ERBIN: variants seen among roughly 807,000 people sequenced by gnomAD.
The protein encoded by ERBIN is densin-180-like protein.
ERBIN carries 60 observed loss-of-function variants against 158.4 expected under a neutral mutation model. The ratio of observed to expected loss-of-function variants is 0.38; its 90% CI spans 0.31 to 0.47. The LOEUF is 0.47. ERBIN is among the 20% of genes least tolerant of loss of function. The pLI is 0.99. For missense variants in ERBIN, 1,610 were observed against 1,648.0 expected, an observed-to-expected ratio of 0.98 and a Z score of 0.40; for synonymous variants, 594 against 557.2, an observed-to-expected ratio of 1.07 and a Z score of -0.93.
chr5:66,029,776 T>C (rs1379179719), intron 14 of ERBIN, among the ~76,000 whole-genome samples: 1 of 152,100 alleles, frequency 6.6e-6, no homozygotes, highest in East Asian at 1.9e-4. Context: ...AGCTAATTTT[T>C]TTATTTTTAG....
intron 3 of ERBIN, among the ~76,000 whole-genome samples, chr5:65,994,442 A>G (rs1346178747): frequency 2.6e-5 from 4 of 152,202 alleles, no homozygotes; most frequent in Non-Finnish European, 5.9e-5. Flanking sequence ...TTGAAAGACA[A>G]GCTCCAGAGT....
chr5:65,939,544 TCTCCCC>T (rs1309772580), intron 1 of ERBIN, among the ~76,000 whole-genome samples: 2 of 151,130 alleles, frequency 1.3e-5, no homozygotes, highest in Non-Finnish European at 3.0e-5. Context: ...CCCCTCTCCC[TCTCCCC>T]ACGGTCTCCC....
chr5:65,982,417 C>T (rs1231322717), intron 1 of ERBIN, among the ~76,000 whole-genome samples: 9 of 152,074 alleles, frequency 5.9e-5, no homozygotes, highest in African/African-American at 1.7e-4. Flanking sequence ...CTCAGAGGAC[C>T]GAGAACATGC....
chr5:66,082,503 C>G lies in ERBIN; in HGVS notation c.*3973C>G, dbSNP rs1434193581. On this transcript the variant is annotated 3_prime_UTR_variant, in exon 26 of 26. Transcript: ENST00000284037. The stretch of plus-strand genomic sequence containing the variant: ...AAGAAACCTAAGCTGTAAAATTATG[C>G]TTTTCCCCTCAAGGGATTCAATAAA... The G allele has an allele frequency of 6.6e-6, 1 of 152,174 alleles. No homozygotes were observed. Among genetic ancestry groups the G allele is most frequent in the African/African-American group, 2.4e-5 (1 of 41,452 alleles). 9.4% of individuals were successfully genotyped at this position (152,174 alleles called of 1,614,324 possible). A position where few individuals can be genotyped will look rare whatever the true frequency, so the allele number is the denominator to read the frequency against.
At chr5:65,943,276 T>C (rs888388097) in intron 1 of ERBIN, among the ~76,000 whole-genome samples, 6 of 152,236 alleles carry the variant, frequency 3.9e-5, no homozygotes, top group Admixed American at 1.3e-4. Context: ...TTGGGAATAC[T>C]CTCTAATCAG....
At chr5:66,013,102 A>G (rs1159226972) in intron 5 of ERBIN, among the ~76,000 whole-genome samples, 1 of 152,184 alleles carries the variant, frequency 6.6e-6, no homozygotes, top group Non-Finnish European at 1.5e-5. Context: ...TGTTGTAGCT[A>G]AACATCCTAT....
At chr5:65,977,540 C>G (rs1003357058) in intron 1 of ERBIN, among the ~76,000 whole-genome samples, 4 of 150,148 alleles carry the variant, frequency 2.7e-5, no homozygotes, top group African/African-American at 4.9e-5. Flanking sequence ...CAGAGGTGCT[C>G]CCCACATCTC....
intron 1 of ERBIN, among the ~76,000 whole-genome samples, chr5:65,938,780 T>C (rs931780176): frequency 6.6e-6 from 1 of 152,066 alleles, no homozygotes; most frequent in Non-Finnish European, 1.5e-5. Flanking sequence ...CTCGAACTCC[T>C]GACCTTATGA....
intron 4 of ERBIN, among the ~76,000 whole-genome samples, chr5:66,002,217 G>T (rs902019861): frequency 6.6e-6 from 1 of 152,090 alleles, no homozygotes; most frequent in African/African-American, 2.4e-5. Flanking sequence ...ATCTGTCATT[G>T]ATGGGCATTT....
chr5:66,015,134 G>C (rs867647548), intron 7 of ERBIN, among the ~76,000 whole-genome samples: 36 of 152,204 alleles, frequency 2.4e-4, no homozygotes, highest in African/African-American at 8.4e-4. Context: ...TGGCTATGTA[G>C]TGTATTGTAA....
chr5:65,985,067 T>C (rs1751070666), intron 1 of ERBIN, among the ~76,000 whole-genome samples: 1 of 152,206 alleles, frequency 6.6e-6, no homozygotes, highest in South Asian at 2.1e-4. Context: ...TTGTTGAAAC[T>C]GTGTTGGAAA....
chr5:65,988,364 C>A (rs1244902476), intron 1 of ERBIN, among the ~76,000 whole-genome samples: 3 of 150,364 alleles, frequency 2.0e-5, no homozygotes, highest in African/African-American at 7.4e-5. Flanking sequence ...CAGAGTGAGA[C>A]CCAGTCTCTT....
intron 1 of ERBIN, among the ~76,000 whole-genome samples, chr5:65,984,186 T>A (rs1017075119): frequency 5.5e-5 from 8 of 145,160 alleles, no homozygotes; most frequent in Admixed American, 2.7e-4. Flanking sequence ...TCAGTGAGGA[T>A]CTTTGTGTAC....
chr5:66,038,571 A>G (rs1387402987), intron 15 of ERBIN, 89 bp downstream of exon 15: 2 of 933,348 alleles, frequency 2.1e-6, no homozygotes, highest in East Asian at 2.6e-5. Context: ...GACTTTTACC[A>G]GTTTGATGGG....
At chr5:65,951,385 A>G (rs754388004) in intron 1 of ERBIN, among the ~76,000 whole-genome samples, 7 of 152,220 alleles carry the variant, frequency 4.6e-5, no homozygotes, top group African/African-American at 7.2e-5. Context: ...GTGCTCAATA[A>G]GTATTATGTG....
chr5:65,945,350 T>C (rs73762519), intron 1 of ERBIN, among the ~76,000 whole-genome samples: 6,112 of 152,328 alleles, frequency 0.04, 416 homozygotes, highest in African/African-American at 0.14. Context: ...GTTTCTTCAT[T>C]AGTTTCTATA....
Position 66,053,925 on chromosome 5 carries a change from A to G in ERBIN, c.2607A>G (p.Lys869=). The G allele has an allele frequency of 6.2e-7, 1 of 1,614,124 alleles. No homozygotes were observed. Among genetic ancestry groups the G allele is most frequent in the Non-Finnish European group, 8.5e-7 (1 of 1,180,020 alleles). Residue 869 remains lysine, a synonymous_variant, in exon 21 of 26, where the codon AAA becomes AAG. Transcript: ENST00000284037. ...QKSGPVGSVV[K]SHSITNMEIG... ...GTGGTCCAGTTGGATCTGTTGTGAA[A>G]TCTCATAGCATAACTAATATGGAGA...
At chr5:65,957,209 TTTTTATTTTA>T (rs200465005) in intron 1 of ERBIN, among the ~76,000 whole-genome samples, 5 of 151,298 alleles carry the variant, frequency 3.3e-5, no homozygotes, top group Admixed American at 1.3e-4. Flanking sequence ...TTTTTTTAAA[TTTTTATTTTA>T]TTTTATTTTA....
At chr5:66,030,826 C>T (rs1362411931) in intron 14 of ERBIN, among the ~76,000 whole-genome samples, 2 of 152,092 alleles carry the variant, frequency 1.3e-5, no homozygotes, top group Non-Finnish European at 1.5e-5. Context: ...CTGCTTCAGC[C>T]TCCCACAGTG....
Sources: gnomAD v4.1 joint callset for allele counts (sites outside exome capture counted in the v4.1 genomes callset) on GRCh38, gnomAD v4.1.1 for gene constraint, MANE v1.5 for transcripts, NCBI Gene and HGNC (gene_info 2026-07-23, HGNC 2026-07-21) for gene names.